Variants in GALNT13 observed in about 807,000 individuals in gnomAD.
The protein encoded by GALNT13 is UDP-GalNAc:polypeptide N-acetylgalactosaminyltransferase 13.
GALNT13 carries 28 observed loss-of-function variants against 64.2 expected under a neutral mutation model. The ratio of observed to expected loss-of-function variants is 0.44; its 90% CI spans 0.32 to 0.60. The LOEUF is 0.60. GALNT13 is among the 20% of genes least tolerant of loss of function. The pLI, the probability that GALNT13 is intolerant of heterozygous loss-of-function variation, is 0.05. For missense variants in GALNT13, 577 were observed against 669.8 expected (o/e 0.86, Z 1.53); for synonymous variants, 214 against 224.6 (o/e 0.95, Z 0.42).
At chr2:153,497,522 A>ATTTTTTTTTTTTTTTTT in the GALNT13 span, among the ~76,000 whole-genome samples, 13 of 36,898 alleles carry the variant, frequency 3.5e-4, 4 homozygotes, top group Admixed American at 9.5e-4. Context: ...TTTCTCCCGC[A>ATTTTTTTTTTTTTTTTT]TTTTTTTTTT....
chr2:153,526,519 T>C, the GALNT13 span, among the ~76,000 whole-genome samples: 1 of 152,172 alleles, frequency 6.6e-6, no homozygotes, highest in African/African-American at 2.4e-5. Flanking sequence ...AAAGCAGATA[T>C]AGCTTATATC....
At chr2:154,179,274 T>A (rs1685826005) in intron 4 of GALNT13, among the ~76,000 whole-genome samples, 1 of 152,118 alleles carries the variant, frequency 6.6e-6, no homozygotes, top group Admixed American at 6.6e-5. Flanking sequence ...TCAGAGACTA[T>A]TTTTTGTCTA....
the GALNT13 span, among the ~76,000 whole-genome samples, chr2:153,374,417 A>C: frequency 6.6e-6 from 1 of 152,028 alleles, no homozygotes; most frequent in Non-Finnish European, 1.5e-5. Flanking sequence ...TCTTTTGTTT[A>C]TTTTTTAAAT....
At chr2:153,163,745 C>A in the GALNT13 span, among the ~76,000 whole-genome samples, 2 of 152,166 alleles carry the variant, frequency 1.3e-5, no homozygotes, top group Admixed American at 6.5e-5. Context: ...GCTGGCCGGA[C>A]GCGGAGGCTC....
chr2:153,616,544 T>C, the GALNT13 span, among the ~76,000 whole-genome samples: 1 of 152,072 alleles, frequency 6.6e-6, no homozygotes, highest in Non-Finnish European at 1.5e-5. Context: ...CAATATTGAT[T>C]CTTCCAATCC....
chr2:154,231,236 C>G (rs1688897776), intron 4 of GALNT13, among the ~76,000 whole-genome samples: 1 of 152,096 alleles, frequency 6.6e-6, no homozygotes. Context: ...CCTGGCAATA[C>G]ATACCTCCTT....
chr2:153,619,200 G>A, the GALNT13 span, among the ~76,000 whole-genome samples: 8 of 151,660 alleles, frequency 5.3e-5, no homozygotes, highest in South Asian at 2.1e-4. Context: ...TGTGTTTTTC[G>A]GTTTGAGATT....
intron 4 of GALNT13, among the ~76,000 whole-genome samples, chr2:154,176,593 T>A (rs968926594): frequency 2.6e-5 from 4 of 152,070 alleles, no homozygotes; most frequent in Admixed American, 6.6e-5. Flanking sequence ...TTTTAAGAAT[T>A]CCTGATATCA....
the GALNT13 span, among the ~76,000 whole-genome samples, chr2:153,121,003 C>G: frequency 6.6e-6 from 1 of 152,204 alleles, no homozygotes; most frequent in Non-Finnish European, 1.5e-5. Flanking sequence ...TAGTTATAAT[C>G]TTAGTGTCTA....
At chr2:153,462,949 C>T in the GALNT13 span, among the ~76,000 whole-genome samples, 1 of 152,030 alleles carries the variant, frequency 6.6e-6, no homozygotes, top group Non-Finnish European at 1.5e-5. Context: ...TCTTAGGATT[C>T]ACTACCCTGT....
chr2:154,410,726 G>C (rs1409625350), intron 11 of GALNT13, among the ~76,000 whole-genome samples: 1 of 150,742 alleles, frequency 6.6e-6, no homozygotes, highest in African/African-American at 2.4e-5. Flanking sequence ...GCCATAATCT[G>C]TTTGAACAAC....
rs550047731 is a variant in GALNT13 at position 154,037,109 on chromosome 2, A to T, written c.142+92470A>T. Among the ~76,000 whole-genome samples, 144 of 152,260 alleles carry T rather than the reference A, an allele frequency of 9.5e-4. 1 individual carries two copies. The highest frequency in any genetic ancestry group is 3.2e-3 in the African/African-American group (134 of 41,578). Reference sequence around the variant, plus strand: ...GGAATTAAAGGTGATTTTATGTGACATATGTTTATTTTTTTAATGCAATCT... The same window carrying T: ...GGAATTAAAGGTGATTTTATGTGACTTATGTTTATTTTTTTAATGCAATCT... On this transcript the variant is annotated intron_variant, in intron 3 of 12. Coordinates refer to ENST00000392825, the MANE Select transcript of GALNT13 (RefSeq NM_052917.4).
chr2:153,468,678 C>A, the GALNT13 span, among the ~76,000 whole-genome samples: 1 of 151,898 alleles, frequency 6.6e-6, no homozygotes, highest in Non-Finnish European at 1.5e-5. Context: ...TATAAACATT[C>A]TAAATATTAG....
intron 12 of GALNT13, chr2:154,445,918 G>A (rs1338958730): frequency 3.0e-6 from 2 of 658,554 alleles, no homozygotes; most frequent in African/African-American, 1.9e-5. Flanking sequence ...GCAAGAAACA[G>A]ACAGATAAAT....
At chr2:154,107,624 C>T (rs1385805952) in intron 3 of GALNT13, among the ~76,000 whole-genome samples, 1 of 151,148 alleles carries the variant, frequency 6.6e-6, no homozygotes, top group South Asian at 2.1e-4. Context: ...GAAATATACT[C>T]TCTTATGAAT....
At chr2:153,941,896 A>G (rs1174053245) in intron 2 of GALNT13, among the ~76,000 whole-genome samples, 1 of 152,186 alleles carries the variant, frequency 6.6e-6, no homozygotes, top group African/African-American at 2.4e-5. Context: ...GAATTCTTTC[A>G]GTGCTAATGT....
chr2:154,166,942 A>C (rs914954677), intron 4 of GALNT13, among the ~76,000 whole-genome samples: 21 of 151,716 alleles, frequency 1.4e-4, no homozygotes, highest in African/African-American at 5.1e-4. Context: ...ACACATGGAC[A>C]CAGGAAGGGG....
the GALNT13 span, among the ~76,000 whole-genome samples, chr2:153,569,921 C>A: frequency 1.3e-5 from 2 of 152,080 alleles, no homozygotes; most frequent in South Asian, 4.1e-4. Context: ...TTTTAGATCC[C>A]ACAGATAAGT....
At chr2:153,255,891 T>C in the GALNT13 span, among the ~76,000 whole-genome samples, 3 of 152,168 alleles carry the variant, frequency 2.0e-5, no homozygotes, top group Admixed American at 6.5e-5. Flanking sequence ...TCTCTGGCTG[T>C]CCTTAACATT....
Sources: allele counts gnomAD v4.1 joint callset (sites outside exome capture counted in the v4.1 genomes callset), GRCh38; gene constraint gnomAD v4.1.1; transcripts MANE v1.5; gene names NCBI Gene and HGNC (gene_info 2026-07-23, HGNC 2026-07-21).